Variants in BRCA2 observed in about 807,000 individuals in gnomAD.
The protein encoded by BRCA2 is BRCA2 DNA repair associated.
BRCA2 carries 203 observed loss-of-function variants against 276.7 expected under a neutral mutation model. That is an observed-to-expected ratio of 0.73 (90% CI 0.65 to 0.82). The LOEUF is 0.82. Ranked by LOEUF, BRCA2 falls within the 40% of genes least tolerant of loss-of-function variation. The pLI is 0.00. For synonymous variants in BRCA2, 1,289 were observed against 1,338.4 expected (o/e 0.96, Z 0.81); for missense variants, 3,920 against 3,915.0 (o/e 1.00, Z -0.03).
Position 32,398,211 on chromosome 13 carries a change from G to C in BRCA2, c.9698G>C (p.Cys3233Ser). 3 of 1,612,718 alleles carry C rather than the reference G, an allele frequency of 1.9e-6. No individual in the cohort carries two copies. Among genetic ancestry groups the C allele is most frequent in the Non-Finnish European group, 2.5e-6 (3 of 1,179,466 alleles). Residue 3233 changes from cysteine to serine, a missense_variant, in exon 27 of 27, where the codon TGT becomes TCT. Transcript: ENST00000380152. ...TATTATCAAAGTCCTTTATCACTTT[G>C]TATGGCCAAAAGGAAGTCTGTTTCC... is the stretch of plus-strand genomic sequence containing the variant. ...EIYYQSPLSL[C>S]MAKRKSVSTP...
At chr13:32,372,821 A>T (rs568047077) in intron 20 of BRCA2, among the ~76,000 whole-genome samples, 9 of 152,274 alleles carry the variant, frequency 5.9e-5, no homozygotes, top group African/African-American at 2.2e-4. Context: ...CTGAGACAAG[A>T]CAAATCTCTT....
At chr13:32,320,628 A>G (rs773413866) in intron 3 of BRCA2, among the ~76,000 whole-genome samples, 231 of 152,346 alleles carry the variant, frequency 1.5e-3, no homozygotes, top group Non-Finnish European at 2.4e-3. Context: ...GGAGACATAC[A>G]TAAGCAATTA....
In BRCA2 at chr13:32,394,752, T is replaced by C. The variant is rs397507425; in HGVS notation, c.9320T>C (p.Ile3107Thr). ...CYNLLAIKFW[I>T]DLNEDIIKPH... ...AATTTACTGGCAATAAAGTTTTGGA[T>C]AGACCTTAATGAGGACATTATTAAG... The change falls in exon 25 of 27, where the codon ATA becomes ACA. Residue 3107 changes from isoleucine (I) to threonine (T), a missense_variant. Physicochemically the swap from Ile to Thr is moderately conservative, Grantham distance 89. This residue lies in a region of BRCA2 where 657 missense variants were observed against 758.2 expected (regional missense o/e 0.87). Transcript: ENST00000380152. 3 of 1,614,110 alleles carry C rather than the reference T, an allele frequency of 1.9e-6. No homozygotes were observed. Among genetic ancestry groups the C allele is most frequent in the African/African-American group, 2.7e-5 (2 of 75,056 alleles).
chr13:32,358,191 T>A (rs543192192), intron 16 of BRCA2, among the ~76,000 whole-genome samples: 1 of 152,318 alleles, frequency 6.6e-6, no homozygotes, highest in East Asian at 1.9e-4. Flanking sequence ...TAAAGTTAAA[T>A]TTGGCCGGGT....
chr13:32,389,876 A>C (rs1023383234), intron 24 of BRCA2, among the ~76,000 whole-genome samples: 6 of 152,216 alleles, frequency 3.9e-5, no homozygotes, highest in Admixed American at 1.3e-4. Flanking sequence ...TCAGAAGAAG[A>C]AAAAGGTAAA....
chr13:32,362,869 A>G (rs112230813), intron 17 of BRCA2, among the ~76,000 whole-genome samples, 176 bp downstream of exon 17: 63 of 152,144 alleles, frequency 4.1e-4, no homozygotes, highest in African/African-American at 1.4e-3. Context: ...TCACACATTC[A>G]TGCATTGCTT....
intron 18 of BRCA2, among the ~76,000 whole-genome samples, chr13:32,365,654 G>T (rs879847343): frequency 4.0e-5 from 6 of 151,228 alleles, no homozygotes; most frequent in Non-Finnish European, 5.9e-5. Context: ...TTGGGATTAC[G>T]GGCATGAGCC....
At chr13:32,341,458 T>G (rs1202421248) in intron 11 of BRCA2, among the ~76,000 whole-genome samples, 1 of 152,150 alleles carries the variant, frequency 6.6e-6, no homozygotes, top group Admixed American at 6.5e-5. Context: ...CAATATATTT[T>G]CAAAAAGATT....
rs886040787 is a variant in BRCA2, at chr13:32,376,689, T to C, written c.8652T>C (p.Tyr2884=). Residue 2884 remains tyrosine, a synonymous_variant, in exon 21 of 27, where the codon TAT becomes TAC. Transcript: ENST00000380152. ...EEHEENTTKP[Y]LPSRALTRQQ... ...TCTTAGAAAACACAACAAAACCATATTTACCATCACGTGCACTAACAAGAC... is the reference window on the plus strand; with the variant it reads ...TCTTAGAAAACACAACAAAACCATACTTACCATCACGTGCACTAACAAGAC... 1 of 1,614,134 alleles carries C rather than the reference T, an allele frequency of 6.2e-7. No homozygotes were observed.
At chr13:32,316,661 TAAC>T in intron 2 of BRCA2, 134 bp downstream of exon 2, 2 of 778,954 alleles carry the variant, frequency 2.6e-6, no homozygotes, top group Non-Finnish European at 2.1e-6. Flanking sequence ...TAAATCCAGT[TAAC>T]AACATAATCA....
intron 8 of BRCA2, 144 bp from the exon 9 acceptor site, chr13:32,330,775 G>T: frequency 1.6e-6 from 1 of 610,244 alleles, no homozygotes; most frequent in Non-Finnish European, 2.9e-6. Flanking sequence ...CTTACTTCTG[G>T]AATTTTCCAT....
At chr13:32,369,541 G>T (rs1208307732) in intron 18 of BRCA2, among the ~76,000 whole-genome samples, 1 of 152,118 alleles carries the variant, frequency 6.6e-6, no homozygotes, top group Non-Finnish European at 1.5e-5. Context: ...TCTGTAAAAT[G>T]GAGATGAGTC....
intron 18 of BRCA2, among the ~76,000 whole-genome samples, chr13:32,369,666 C>T (rs2072813879): frequency 2.6e-5 from 4 of 152,248 alleles, no homozygotes; most frequent in African/African-American, 9.6e-5. Flanking sequence ...CTCTGCCTCC[C>T]AGGTTCAAGC....
chr13:32,370,341 T>C (rs1423397732), intron 18 of BRCA2, 61 bp from the exon 19 acceptor site: 1 of 1,483,612 alleles, frequency 6.7e-7, no homozygotes. Context: ...TCTTATGATA[T>C]CTGTAATAGA....
chr13:32,379,336 A>G lies in BRCA2; in HGVS notation c.8774A>G (p.Gln2925Arg), dbSNP rs80359135. The change falls in exon 22 of 27, where the codon CAG becomes CGG. Residue 2925 changes from glutamine (Q) to arginine (R), a missense_variant. Transcript: ENST00000380152. ...AYLEGYFSEE[Q>R]LRALNNHRQM... ...TCACAGGGTTATTTCAGTGAAGAGC[A>G]GTTAAGAGCCTTGAATAATCACAGG... 1.9e-6 allele frequency: 3 copies of G among 1,613,808 alleles called. No individual in the cohort carries two copies. Among genetic ancestry groups the G allele is most frequent in the African/African-American group, 1.3e-5 (1 of 75,034 alleles).
chr13:32,325,272 T>G, intron 4 of BRCA2, 88 bp downstream of exon 4: 1 of 1,072,586 alleles, frequency 9.3e-7, no homozygotes. Context: ...ATTTTTATGC[T>G]AATATTTTGG....
In BRCA2 at chr13:32,333,017, A is replaced by G. The variant is rs557258016; in HGVS notation, c.1539A>G (p.Lys513=). The stretch of plus-strand genomic sequence containing the variant: ...TATTCAGAATAAGAGAATCACCTAA[A>G]GAGACTTTCAATGCAAGTTTTTCAG... ...KSIFRIRESP[K]ETFNASFSGH... Residue 513 remains lysine (K), a synonymous_variant, in exon 10 of 27, where the codon AAA becomes AAG. Coordinates refer to ENST00000380152, the MANE Select transcript of BRCA2 (RefSeq NM_000059.4). 2 of 1,596,338 alleles carry G rather than the reference A, an allele frequency of 1.3e-6. No homozygotes were observed. The highest frequency in any genetic ancestry group is 1.7e-6 in the Non-Finnish European group (2 of 1,175,432).
At chr13:32,319,459 T>C in intron 3 of BRCA2, 134 bp downstream of exon 3, 1 of 868,476 alleles carries the variant, frequency 1.2e-6, no homozygotes, top group South Asian at 1.6e-5. Context: ...TTTTCCTCAC[T>C]CGAAAAATGG....
chr13:32,379,727 C>G (rs750340838), intron 22 of BRCA2, 23 bp from the exon 23 acceptor site: 1 of 1,601,474 alleles, frequency 6.2e-7, no homozygotes, highest in African/African-American at 1.3e-5. Flanking sequence ...TCCATTGCAT[C>G]TTTCTCATCT....
Sources: gnomAD v4.1 joint callset for allele counts (sites outside exome capture counted in the v4.1 genomes callset) on GRCh38, gnomAD v4.1.1 for gene constraint, gnomAD v4.1.1 regional missense constraint, MANE v1.5 for transcripts, NCBI Gene and HGNC (gene_info 2026-07-23, HGNC 2026-07-21) for gene names.